The following DPP6 variants were observed in gnomAD, a reference collection of about 807,000 sequenced individuals.
DPP6 encodes the protein A-type potassium channel modulatory protein DPP6.
In DPP6, 69 loss-of-function variants were observed where a neutral mutation model predicts 122.6. The ratio of observed to expected loss-of-function variants is 0.56; its 90% confidence interval spans 0.46 to 0.69. The LOEUF (loss-of-function observed/expected upper bound fraction) is 0.69. DPP6 is among the 30% of genes least tolerant of loss of function. DPP6 has a pLI of 0.00. For missense variants in DPP6, 928 were observed against 1,116.9 expected, an observed-to-expected ratio of 0.83 and a Z score of 2.41; for synonymous variants, 418 against 433.1, an observed-to-expected ratio of 0.97 and a Z score of 0.43.
intron 1 of DPP6, among the ~76,000 whole-genome samples, chr7:154,433,136 GTTTTTTTTTTTTTTTTT>G (rs548053204): frequency 8.3e-5 from 6 of 72,336 alleles, no homozygotes; most frequent in South Asian, 6.3e-4. Flanking sequence ...TAGACTGCAA[GTTTTTTTTTTTTTTTTT>G]TTTTTTTTTT....
intron 6 of DPP6, among the ~76,000 whole-genome samples, chr7:154,659,900 C>T (rs567126529): frequency 6.6e-6 from 1 of 152,332 alleles, no homozygotes; most frequent in East Asian, 1.9e-4. Context: ...CATTGTTTCT[C>T]TTGATTTTCA....
intron 5 of DPP6, among the ~76,000 whole-genome samples, chr7:154,623,535 C>T (rs769540053): frequency 5.3e-5 from 8 of 152,036 alleles, no homozygotes; most frequent in Non-Finnish European, 1.2e-4. Flanking sequence ...GAGGATTTTA[C>T]AAACACACAC....
At chr7:154,370,754 C>G (rs1046082025) in intron 1 of DPP6, among the ~76,000 whole-genome samples, 2 of 152,162 alleles carry the variant, frequency 1.3e-5, no homozygotes, top group African/African-American at 4.8e-5. Context: ...AATTCTCTAC[C>G]TCAGAACCTG....
At chr7:154,183,454 C>T (rs1798195424) in intron 1 of DPP6, among the ~76,000 whole-genome samples, 1 of 152,218 alleles carries the variant, frequency 6.6e-6, no homozygotes, top group South Asian at 2.1e-4. Context: ...ACTAAACACT[C>T]TAAATATGTC....
At chr7:154,252,149 C>T (rs12668743) in intron 1 of DPP6, among the ~76,000 whole-genome samples, 5,946 of 152,210 alleles carry the variant, frequency 0.039, 192 homozygotes, top group East Asian at 0.13. Context: ...TGGTTGTATT[C>T]TATAACAGGG....
At chr7:154,057,860 G>T (rs191202511) in intron 1 of DPP6, 10,083 of 150,596 alleles carry the variant, frequency 0.067, 423 homozygotes, top group Non-Finnish European at 0.086. Context: ...CCCAAACTGT[G>T]GGGCCCTGGC....
intron 7 of DPP6, among the ~76,000 whole-genome samples, chr7:154,676,034 G>C (rs1003265859): frequency 2.6e-5 from 4 of 152,228 alleles, no homozygotes; most frequent in Admixed American, 6.5e-5. Flanking sequence ...TTCTCTCCAG[G>C]GGCGGGGACA....
chr7:153,977,050 C>A (rs376680783), intron 1 of DPP6, among the ~76,000 whole-genome samples: 2 of 152,326 alleles, frequency 1.3e-5, no homozygotes. Context: ...TGCAGGAGCT[C>A]CTGGCTCTTT....
At chr7:154,415,184 A>T (rs895407597) in intron 1 of DPP6, among the ~76,000 whole-genome samples, 1 of 152,152 alleles carries the variant, frequency 6.6e-6, no homozygotes, top group Non-Finnish European at 1.5e-5. Flanking sequence ...TACTATCTAG[A>T]CCAAGCAGGT....
intron 1 of DPP6, among the ~76,000 whole-genome samples, chr7:154,398,541 C>T (rs1055904767): frequency 5.9e-5 from 9 of 152,278 alleles, no homozygotes; most frequent in African/African-American, 2.2e-4. Flanking sequence ...TGCCATCATC[C>T]TATTTCTTTT....
intron 1 of DPP6, among the ~76,000 whole-genome samples, chr7:154,018,461 C>T (rs1798536224): frequency 6.6e-6 from 1 of 152,098 alleles, no homozygotes; most frequent in Non-Finnish European, 1.5e-5. Context: ...TTTATTTTTC[C>T]CCTGTATGAG....
intron 25 of DPP6, among the ~76,000 whole-genome samples, chr7:154,891,832 C>T (rs1201135905): frequency 6.6e-6 from 1 of 152,126 alleles, no homozygotes; most frequent in Non-Finnish European, 1.5e-5. Context: ...GTGATCCTCC[C>T]GCCTCGGCCT....
the DPP6 span, among the ~76,000 whole-genome samples, chr7:153,753,011 A>T: frequency 6.6e-6 from 1 of 152,242 alleles, no homozygotes; most frequent in Admixed American, 6.5e-5. Flanking sequence ...TCAAGCATGG[A>T]TATAGGTCCT....
chr7:153,763,216 C>T, the DPP6 span, among the ~76,000 whole-genome samples: 1,182 of 152,114 alleles, frequency 7.8e-3, 13 homozygotes, highest in African/African-American at 0.026. Context: ...TGTACCATTA[C>T]GTAAAAGTGA....
the DPP6 span, among the ~76,000 whole-genome samples, chr7:153,761,174 T>C: frequency 1.3e-5 from 2 of 152,212 alleles, no homozygotes; most frequent in African/African-American, 2.4e-5. Flanking sequence ...TTGTTTCCTA[T>C]GTTTGTACAA....
intron 1 of DPP6, among the ~76,000 whole-genome samples, chr7:153,916,560 C>T (rs966526257): frequency 6.6e-6 from 1 of 151,768 alleles, no homozygotes; most frequent in African/African-American, 2.4e-5. Context: ...AGGTGCCCAC[C>T]ATCACGCCCA....
At position 154,209,648 on chromosome 7, in the gene DPP6, A is replaced by G. The variant is rs1799635968; in HGVS notation, c.243+156585A>G. ...TCATAAAATAATCTCTTAAGTGTAAAGAAGCCCAGTGCAAACCACCATGAA... is the reference window on the plus strand; with the variant it reads ...TCATAAAATAATCTCTTAAGTGTAAGGAAGCCCAGTGCAAACCACCATGAA... On this transcript the variant is annotated intron_variant, in intron 1 of 25. Coordinates refer to ENST00000377770, the MANE Select transcript of DPP6 (RefSeq NM_130797.4). 3.3e-5 allele frequency among the ~76,000 whole-genome samples: 5 copies of G among 152,320 alleles called. No individual in the cohort carries two copies. The South Asian group carries it at 1.0e-3, about 32-fold the overall frequency.
rs145156774 is a variant in DPP6, at chr7:154,632,289, G to A, written c.628-5532G>A. On this transcript the variant is annotated intron_variant, in intron 5 of 25. Coordinates refer to ENST00000377770, the MANE Select transcript of DPP6 (RefSeq NM_130797.4). Reference sequence around the variant, plus strand: ...AGCTTTAGGCTAAACGTGACTTAACGGTAGCTTCTTTGTAGGAGAGGAAGG... The same window carrying A: ...AGCTTTAGGCTAAACGTGACTTAACAGTAGCTTCTTTGTAGGAGAGGAAGG... Among the ~76,000 whole-genome samples, 221 of 152,300 alleles carry A rather than the reference G, an allele frequency of 1.5e-3. 1 individual carries two copies. Among genetic ancestry groups the A allele is most frequent in the African/African-American group, 5.1e-3 (213 of 41,572 alleles).
At chr7:154,887,587 C>T (rs959424264) in intron 22 of DPP6, 89 bp from the exon 23 acceptor site, 28 of 1,354,642 alleles carry the variant, frequency 2.1e-5, no homozygotes, top group East Asian at 6.9e-5. Flanking sequence ...TCACCCCGCA[C>T]CCGGTCCAGG....
Sources: allele counts gnomAD v4.1 joint callset (sites outside exome capture counted in the v4.1 genomes callset), GRCh38; gene constraint gnomAD v4.1.1; transcripts MANE v1.5; gene names NCBI Gene and HGNC (gene_info 2026-07-23, HGNC 2026-07-21).